The following REV1 variants were observed in gnomAD, a reference collection of about 807,000 sequenced individuals.
REV1 encodes the protein REV1 DNA directed polymerase.
Under a neutral mutation model 137.4 loss-of-function variants are expected in REV1, and 42 were observed. That is an observed-to-expected ratio of 0.31 (90% CI 0.24 to 0.40). The LOEUF is 0.40. Among genes scored for constraint, REV1 ranks in the 10% least tolerant of loss-of-function variants. The pLI, the probability that REV1 is intolerant of heterozygous loss-of-function variation, is 1.00. For synonymous variants in REV1, 524 were observed against 519.2 expected, an observed-to-expected ratio of 1.01 and a Z score of -0.12; for missense variants, 1,282 against 1,490.1, an observed-to-expected ratio of 0.86 and a Z score of 2.30.
intron 9 of REV1, among the ~76,000 whole-genome samples, chr2:99,428,695 G>C (rs1161994253): frequency 6.6e-6 from 1 of 152,062 alleles, no homozygotes; most frequent in Admixed American, 6.5e-5. Flanking sequence ...TCTGAATCAA[G>C]ACTAAAAAGA....
chr2:99,419,604 G>A (rs994966874), intron 11 of REV1, among the ~76,000 whole-genome samples: 3 of 152,178 alleles, frequency 2.0e-5, no homozygotes, highest in East Asian at 3.8e-4. Flanking sequence ...AGAGGAGGTA[G>A]GGAAATGACA....
chr2:99,431,237 A>G (rs1680079540), intron 8 of REV1, among the ~76,000 whole-genome samples: 1 of 152,222 alleles, frequency 6.6e-6, no homozygotes, highest in African/African-American at 2.4e-5. Context: ...CAAACTGACT[A>G]ACATCTCGGG....
At chr2:99,411,239 G>A (rs1037674551) in intron 13 of REV1, among the ~76,000 whole-genome samples, 1 of 152,064 alleles carries the variant, frequency 6.6e-6, no homozygotes, top group African/African-American at 2.4e-5. Flanking sequence ...AGTGAGCTGA[G>A]ATCATGCCAC....
intron 12 of REV1, among the ~76,000 whole-genome samples, 187 bp downstream of exon 12, chr2:99,418,641 C>A (rs114675238): frequency 6.6e-6 from 1 of 152,104 alleles, no homozygotes; most frequent in Non-Finnish European, 1.5e-5. Context: ...ACATTAAGGT[C>A]CTGACAAATC....
chr2:99,463,923 C>T (rs981853052), intron 2 of REV1, among the ~76,000 whole-genome samples: 15 of 152,186 alleles, frequency 9.9e-5, no homozygotes, highest in Non-Finnish European at 1.8e-4. Context: ...CACGCCCAAC[C>T]TCAGAGCATA....
chr2:99,455,817 T>C (rs1683474254), intron 3 of REV1, among the ~76,000 whole-genome samples: 1 of 152,180 alleles, frequency 6.6e-6, no homozygotes, highest in Non-Finnish European at 1.5e-5. Context: ...TTATTTGAAA[T>C]ATAAGTCTGT....
At chr2:99,482,402 T>C (rs990722010) in intron 1 of REV1, among the ~76,000 whole-genome samples, 5 of 152,174 alleles carry the variant, frequency 3.3e-5, no homozygotes, top group Non-Finnish European at 5.9e-5. Context: ...TACCAAATTA[T>C]CAAACGTGAG....
intron 4 of REV1, among the ~76,000 whole-genome samples, chr2:99,447,114 C>A (rs1406031709): frequency 6.6e-6 from 1 of 151,938 alleles, no homozygotes. Context: ...TTGACTTTAT[C>A]CCTCCAGGTT....
intron 21 of REV1, 23 bp from the exon 22 acceptor site, chr2:99,402,369 A>C (rs1330572971): frequency 8.7e-7 from 1 of 1,155,462 alleles, no homozygotes; most frequent in South Asian, 1.3e-5. Flanking sequence ...AAAAACTTCA[A>C]ATGAGGACCA....
chr2:99,403,935 T>C, intron 18 of REV1, 120 bp from the exon 19 acceptor site: 2 of 1,198,294 alleles, frequency 1.7e-6, no homozygotes, highest in Non-Finnish European at 2.3e-6. Context: ...TACGAATTCT[T>C]AACAGTTCCC....
At chr2:99,463,548 T>C (rs966544985) in intron 2 of REV1, among the ~76,000 whole-genome samples, 1 of 152,196 alleles carries the variant, frequency 6.6e-6, no homozygotes, top group African/African-American at 2.4e-5. Flanking sequence ...TCACAAAATA[T>C]TGTTCTTATG....
chr2:99,467,817 G>A (rs1684979525), intron 1 of REV1, among the ~76,000 whole-genome samples: 1 of 152,164 alleles, frequency 6.6e-6, no homozygotes. Context: ...AGGCCGAGGT[G>A]GGTGGATCAC....
At chr2:99,447,848 GT>G (rs1682418775) in intron 4 of REV1, among the ~76,000 whole-genome samples, 3 of 151,886 alleles carry the variant, frequency 2.0e-5, no homozygotes, top group Admixed American at 2.0e-4. Context: ...AGCCTCCCAA[GT>G]AACCGGGATT....
intron 5 of REV1, among the ~76,000 whole-genome samples, chr2:99,440,608 T>G (rs1681362741): frequency 6.6e-6 from 1 of 152,040 alleles, no homozygotes; most frequent in African/African-American, 2.4e-5. Context: ...TAGATATGAT[T>G]AAAAGAAGAA....
chr2:99,419,157 T>A (rs866167289), intron 11 of REV1, among the ~76,000 whole-genome samples: 47 of 151,272 alleles, frequency 3.1e-4, no homozygotes, highest in African/African-American at 1.1e-3. Flanking sequence ...CTAACGCAAG[T>A]GCCACTTCAG....
At position 99,438,608 on chromosome 2, in the gene REV1, A is replaced by C; in HGVS notation, c.1206T>G (p.Thr402=). 1 of 1,609,320 alleles carries C rather than the reference A, an allele frequency of 6.2e-7. No homozygotes were observed. Among genetic ancestry groups the C allele is most frequent in the Non-Finnish European group, 8.5e-7 (1 of 1,176,550 alleles). ...MKTGRSALVV[T]DTGDMSVLNS... ...ATTTTAATAAGTATCTACCTGTGTC[A>C]GTTACAACAAGTGCAGACCTGCCTG... Residue 402 remains threonine, a synonymous_variant, in exon 6 of 23, where the codon ACT becomes ACG. Coordinates refer to ENST00000258428, the MANE Select transcript of REV1 (RefSeq NM_016316.4).
intron 1 of REV1, among the ~76,000 whole-genome samples, chr2:99,469,281 G>T (rs1685145913): frequency 6.6e-6 from 1 of 152,146 alleles, no homozygotes. Context: ...ACGACAACTT[G>T]AAAAAGACTG....
At position 99,438,830 on chromosome 2, in the gene REV1, TGAA is replaced by T. The variant is rs753376232; in HGVS notation, c.981_983del (p.Ser328del). The T allele has an allele frequency of 1.2e-4, 201 of 1,614,256 alleles. No homozygotes were observed. The Middle Eastern group carries it at 2.5e-3, about 20-fold the overall frequency. On this transcript the variant is annotated inframe_deletion, in exon 6 of 23. Coordinates refer to ENST00000258428, the MANE Select transcript of REV1 (RefSeq NM_016316.4). ...GTGCTGCCTTGCTAAACGTAGATAC[TGAA>T]GAAGTGCTTTTTGTGCTTGAAGGCC...
Position 99,408,058 on chromosome 2 carries a change from T to C in REV1, c.2419A>G (p.Met807Val), listed in dbSNP as rs1242406432. The stretch of plus-strand genomic sequence containing the variant: ...CTCATATCTGATATATTTAGTTTCA[T>C]TGTATGAAACATGTTTAGCATCGCC... The part of the protein sequence containing the change: ...GKAMLNMFHT[M>V]KLNISDMRGV... The change falls in exon 15 of 23, where the codon ATG (methionine) becomes GTG (valine). Residue 807 changes from methionine to valine, a missense_variant. Coordinates refer to ENST00000258428, the MANE Select transcript of REV1 (RefSeq NM_016316.4). 1.9e-6 allele frequency: 3 copies of C among 1,607,234 alleles called. No homozygotes were observed. Among genetic ancestry groups the C allele is most frequent in the South Asian group, 1.1e-5 (1 of 90,094 alleles).
Sources: allele counts gnomAD v4.1 joint callset (sites outside exome capture counted in the v4.1 genomes callset), GRCh38; gene constraint gnomAD v4.1.1; transcripts MANE v1.5; gene names NCBI Gene and HGNC (gene_info 2026-07-23, HGNC 2026-07-21).